The following PRKCQ variants were observed in gnomAD, a reference collection of about 807,000 sequenced individuals.
PRKCQ encodes protein kinase C theta.
Under a neutral mutation model 91.2 loss-of-function variants are expected in PRKCQ, and 41 were observed. The observed-to-expected ratio is 0.45, with a 90% CI of 0.35 to 0.58. The LOEUF is 0.58. Ranked by LOEUF, PRKCQ falls within the 20% of genes least tolerant of loss-of-function variation. The probability of loss-of-function intolerance (pLI) is 0.00; values close to 1 mark genes in which losing one functional copy is unlikely to be tolerated. For synonymous variants in PRKCQ, 307 were observed against 316.9 expected (o/e 0.97, Z 0.33); for missense variants, 673 against 896.5 (o/e 0.75, Z 3.18).
At chr10:6,492,639 G>A (rs933942166) in intron 7 of PRKCQ, among the ~76,000 whole-genome samples, 1 of 152,158 alleles carries the variant, frequency 6.6e-6, no homozygotes, top group African/African-American at 2.4e-5. Context: ...GGTAGGGAGA[G>A]GGGAGTGGGA....
intron 1 of PRKCQ, among the ~76,000 whole-genome samples, chr10:6,535,925 G>T (rs530746877): frequency 6.6e-6 from 1 of 152,176 alleles, no homozygotes; most frequent in Non-Finnish European, 1.5e-5. Context: ...CTCCCACATG[G>T]AGTTCTAGGA....
downstream of PRKCQ, among the ~76,000 whole-genome samples, chr10:6,426,796 C>A: frequency 6.6e-6 from 1 of 152,198 alleles, no homozygotes; most frequent in African/African-American, 2.4e-5. Context: ...GCTTTTCTTA[C>A]AATTGCCTTA....
rs746459912 is a variant in PRKCQ at position 6,497,004 on chromosome 10, C to T, written c.660+31G>A. 14 of 1,582,444 alleles carry T rather than the reference C, an allele frequency of 8.8e-6. No individual in the cohort carries two copies. The highest frequency in any genetic ancestry group is 1.2e-5 in the Non-Finnish European group (14 of 1,153,296). On this transcript the variant is annotated intron_variant, in intron 7 of 17. Transcript: ENST00000263125. The surrounding 1 kb of genome is among the most constrained non-coding windows in gnomAD (Gnocchi z 4.5). ...ACATTTAACGTTCTGATAAAAATCA[C>T]TGCACGTCAAAGAGGAGTGTAAATA...
chr10:6,497,307 C>G lies in PRKCQ; in HGVS notation c.543-56G>C. 1.9e-6 allele frequency: 3 copies of G among 1,603,606 alleles called. No homozygotes were observed. The highest frequency in any genetic ancestry group is 1.7e-5 in the Admixed American group (1 of 60,012). On this transcript the variant is annotated intron_variant, in intron 5 of 17. Transcript: ENST00000263125. This position sits in a 1 kb window ranked among gnomAD's most constrained non-coding sequence, Gnocchi z 4.5. ...ATGTTGGCATCAACATCAGCACCAA[C>G]AGCATTTAAGAGATGGATGAGATCT...
At chr10:6,522,298 C>T (rs981421380) in intron 1 of PRKCQ, among the ~76,000 whole-genome samples, 10 of 152,188 alleles carry the variant, frequency 6.6e-5, no homozygotes, top group Non-Finnish European at 1.0e-4. Flanking sequence ...CTATTTTCAG[C>T]TTTAAGTGTG....
intron 1 of PRKCQ, among the ~76,000 whole-genome samples, chr10:6,573,252 T>A (rs1464259512): frequency 6.6e-6 from 1 of 152,200 alleles, no homozygotes; most frequent in Non-Finnish European, 1.5e-5. Flanking sequence ...CTAAAACATA[T>A]CAGTGAAAAC....
chr10:6,398,774 GAC>G, the PRKCQ span, among the ~76,000 whole-genome samples: 2 of 151,498 alleles, frequency 1.3e-5, no homozygotes, highest in African/African-American at 4.9e-5. Flanking sequence ...TCTTTTTTGA[GAC>G]ACAGTCTGGC....
At chr10:6,565,589 G>T (rs974231417) in intron 1 of PRKCQ, among the ~76,000 whole-genome samples, 8 of 152,090 alleles carry the variant, frequency 5.3e-5, no homozygotes, top group African/African-American at 1.9e-4. Context: ...ATTTTAAAAA[G>T]AAACAAAAAG....
chr10:6,454,921 G>A (rs527359870), intron 15 of PRKCQ, among the ~76,000 whole-genome samples: 14 of 152,268 alleles, frequency 9.2e-5, no homozygotes, highest in Admixed American at 9.2e-4. Flanking sequence ...TGTGGAAGCC[G>A]GATTCTGCAA....
chr10:6,472,735 C>T (rs187007849), intron 12 of PRKCQ, among the ~76,000 whole-genome samples: 36 of 152,250 alleles, frequency 2.4e-4, no homozygotes, highest in African/African-American at 6.5e-4. Flanking sequence ...CTTTTTGAGA[C>T]GGAGTTTCAC....
At chr10:6,451,482 G>T (rs1031272204) in intron 15 of PRKCQ, among the ~76,000 whole-genome samples, 1 of 152,062 alleles carries the variant, frequency 6.6e-6, no homozygotes, top group African/African-American at 2.4e-5. Flanking sequence ...ATCCACAGCC[G>T]AATTCTACCA....
At chr10:6,495,730 C>T (rs577239759) in intron 7 of PRKCQ, among the ~76,000 whole-genome samples, 15 of 152,160 alleles carry the variant, frequency 9.9e-5, no homozygotes, top group Non-Finnish European at 8.8e-5. Context: ...AAAAAGGAAA[C>T]GGTGGGAGAA....
chr10:6,471,347 G>T (rs540878276), intron 12 of PRKCQ, among the ~76,000 whole-genome samples: 14 of 152,326 alleles, frequency 9.2e-5, no homozygotes, highest in African/African-American at 2.9e-4. Flanking sequence ...TCATCTTTCT[G>T]GGTCACGTAA....
the PRKCQ span, among the ~76,000 whole-genome samples, chr10:6,399,879 G>T: frequency 2.6e-5 from 4 of 152,052 alleles, no homozygotes; most frequent in East Asian, 1.9e-4. Flanking sequence ...TGAACCCAAG[G>T]TCACTCAGAT....
chr10:6,470,827 T>C (rs1034386282), intron 12 of PRKCQ, among the ~76,000 whole-genome samples: 1 of 151,874 alleles, frequency 6.6e-6, no homozygotes, highest in Admixed American at 6.6e-5. Context: ...GGCACACACC[T>C]GTAACCCCAG....
At chr10:6,543,311 C>G (rs1839836188) in intron 1 of PRKCQ, among the ~76,000 whole-genome samples, 1 of 152,228 alleles carries the variant, frequency 6.6e-6, no homozygotes, top group Non-Finnish European at 1.5e-5. Context: ...CCTGGCGGAG[C>G]AGCACAGGCT....
chr10:6,528,458 C>T (rs1188733130), intron 1 of PRKCQ, among the ~76,000 whole-genome samples: 1 of 152,180 alleles, frequency 6.6e-6, no homozygotes, highest in Non-Finnish European at 1.5e-5. Context: ...CACAGTCCAG[C>T]ATCGCCTGGG....
In PRKCQ at chr10:6,430,795, T is replaced by C. The variant is rs1234580467; in HGVS notation, c.1965+15A>G. ...AGAGTGGCTGACACCAAGCGGCCCA[T>C]GAGCGAGTCCTTACCACTTTCGGCC... On this transcript the variant is annotated intron_variant, in intron 17 of 17. Coordinates refer to ENST00000263125, the MANE Select transcript of PRKCQ (RefSeq NM_006257.5). The surrounding 1 kb of genome is among the most constrained non-coding windows in gnomAD (Gnocchi z 4.7). The C allele has an allele frequency of 5.6e-6, 9 of 1,612,548 alleles. No individual in the cohort carries two copies. Among genetic ancestry groups the C allele is most frequent in the African/African-American group, 2.7e-5 (2 of 74,896 alleles).
In PRKCQ at chr10:6,492,238, TAAAA is replaced by T. The variant is rs5782902; in HGVS notation, c.661-430_661-427del. On this transcript the variant is annotated intron_variant, in intron 7 of 17. Transcript: ENST00000263125. ...TAGTGCTTTTAACCTTTGGAAGATG[TAAAA>T]AAAAAAAAAAAAAATGCCTTCTTTA... is the stretch of plus-strand genomic sequence containing the variant. Among the ~76,000 whole-genome samples the T allele has an allele frequency of 8.1e-3, 1,188 of 147,370 alleles. 6 individuals are homozygous for T. Among genetic ancestry groups the T allele is most frequent in the Middle Eastern group, 0.055 (16 of 290 alleles).
Sources: gnomAD v4.1 joint callset for allele counts (sites outside exome capture counted in the v4.1 genomes callset) on GRCh38, gnomAD v4.1.1 for gene constraint, Gnocchi (gnomAD v3.1) non-coding constraint, MANE v1.5 for transcripts, NCBI Gene and HGNC (gene_info 2026-07-23, HGNC 2026-07-21) for gene names.